TNFAIP3: variants seen among roughly 807,000 people sequenced by gnomAD.
TNFAIP3 encodes the protein tumor necrosis factor alpha-induced protein 3.
In TNFAIP3, 9 loss-of-function variants were observed where a neutral mutation model predicts 72.4. That is an observed-to-expected ratio of 0.12 (90% confidence interval 0.07 to 0.22). The LOEUF is 0.22. Ranked by LOEUF, TNFAIP3 falls within the 10% of genes least tolerant of loss-of-function variation. TNFAIP3 has a pLI of 1.00. For synonymous variants in TNFAIP3, 339 were observed against 372.6 expected (o/e 0.91, Z 1.04); for missense variants, 833 against 1,018.7 (o/e 0.82, Z 2.48).
chr6:137,876,183 A>C lies in TNFAIP3; in HGVS notation c.805+17A>C. 1 of 1,603,260 alleles carries C rather than the reference A, an allele frequency of 6.2e-7. No homozygotes were observed. The highest frequency in any genetic ancestry group is 8.5e-7 in the Non-Finnish European group (1 of 1,174,746). ...GTGGGCCTGGTGAGAAAACTGCATTAATTCACATCTATAACTAGACACTGA... is the reference window on the plus strand; with the variant it reads ...GTGGGCCTGGTGAGAAAACTGCATTCATTCACATCTATAACTAGACACTGA... On this transcript the variant is annotated intron_variant, in intron 5 of 8. Coordinates refer to ENST00000612899, the MANE Select transcript of TNFAIP3 (RefSeq NM_001270508.2).
rs1306585750 is a variant in TNFAIP3, at chr6:137,883,146, T to A, written c.*1827T>A. 1 of 203,874 alleles carries A rather than the reference T, an allele frequency of 4.9e-6. No homozygotes were observed. The highest frequency in any genetic ancestry group is 1.0e-5 in the Non-Finnish European group (1 of 100,202). 12.6% of individuals were successfully genotyped at this position (203,874 alleles called of 1,614,324 possible). On this transcript the variant is annotated 3_prime_UTR_variant, in exon 9 of 9. Coordinates refer to ENST00000612899, the MANE Select transcript of TNFAIP3 (RefSeq NM_001270508.2). ...TTGATCATTATTTCCATTCTTAATG[T>A]GAAAAAAAGTAATTATTTATACTTA...
chr6:137,878,565 G>C lies in TNFAIP3; in HGVS notation c.1120G>C (p.Glu374Gln). 2 of 1,614,220 alleles carry C rather than the reference G, an allele frequency of 1.2e-6. No homozygotes were observed. The highest frequency in any genetic ancestry group is 1.7e-6 in the Non-Finnish European group (2 of 1,180,042). The change falls in exon 7 of 9, where the codon GAA (glutamate) becomes CAA (glutamine). Residue 374 changes from glutamate to glutamine, a missense_variant. Coordinates refer to ENST00000612899, the MANE Select transcript of TNFAIP3 (RefSeq NM_001270508.2). ...RREGHAQNPM[E>Q]PSVPQLSLMD... is the part of the protein sequence containing the mutation. ...AGAGGGGCACGCCCAGAATCCCATG[G>C]AACCTTCCGTGCCCCAGCTTTCTCT...
In TNFAIP3 at chr6:137,881,058, G is replaced by T. The variant is rs752839491; in HGVS notation, c.2112G>T (p.Val704=). The T allele has an allele frequency of 2.5e-6, 4 of 1,611,884 alleles. No homozygotes were observed. Among genetic ancestry groups the T allele is most frequent in the Non-Finnish European group, 8.5e-7 (1 of 1,178,768 alleles). The stretch of plus-strand genomic sequence containing the variant: ...AGAGATCGAGCCAGCGCAGAGATGT[G>T]CCTCGAACCACACAAAGCACCTCAA... ...EQLRSSQRRD[V]PRTTQSTSRP... is the part of the protein sequence containing the mutation. The change falls in exon 9 of 9, where the codon GTG becomes GTT. Residue 704 remains valine, a synonymous_variant. Coordinates refer to ENST00000612899, the MANE Select transcript of TNFAIP3 (RefSeq NM_001270508.2). The surrounding 1 kb of genome is among the most constrained non-coding windows in gnomAD (Gnocchi z 5.0).
intron 2 of TNFAIP3, among the ~76,000 whole-genome samples, chr6:137,874,601 A>G (rs746217520): frequency 1.3e-5 from 2 of 152,224 alleles, no homozygotes; most frequent in Admixed American, 6.5e-5. Flanking sequence ...GCTAGAACCA[A>G]GGTCCCCTGG....
At chr6:137,869,856 T>G (rs913449155) in intron 1 of TNFAIP3, among the ~76,000 whole-genome samples, 1 of 152,224 alleles carries the variant, frequency 6.6e-6, no homozygotes, top group African/African-American at 2.4e-5. Flanking sequence ...GGGAATGTCT[T>G]TGTGCTCTGA....
rs369927129 is a variant in TNFAIP3, at chr6:137,871,223, G to A, written c.-5G>A. 3 of 1,608,036 alleles carry A rather than the reference G, an allele frequency of 1.9e-6. No homozygotes were observed. Among genetic ancestry groups the A allele is most frequent in the East Asian group, 2.2e-5 (1 of 44,798 alleles). On this transcript the variant is annotated 5_prime_UTR_variant, in exon 2 of 9. Transcript: ENST00000612899. This position sits in a 1 kb window ranked among gnomAD's most constrained non-coding sequence, Gnocchi z 4.2. ...TCCTTTCCTTTTCAGGTGTTGGAGA[G>A]CACAATGGCTGAACAAGTCCTTCCT...
chr6:137,879,239 T>C lies in TNFAIP3; in HGVS notation c.1794T>C (p.Pro598=), dbSNP rs774328747. 22 of 1,614,038 alleles carry C rather than the reference T, an allele frequency of 1.4e-5. No homozygotes were observed. Among genetic ancestry groups the C allele is most frequent in the Non-Finnish European group, 1.7e-5 (20 of 1,180,036 alleles). Residue 598 remains proline, a synonymous_variant, in exon 7 of 9, where the codon CCT becomes CCC. Coordinates refer to ENST00000612899, the MANE Select transcript of TNFAIP3 (RefSeq NM_001270508.2). Reference sequence around the variant, plus strand: ...GCCTGTCTCAAGCTGCACGGACTCCTGGGGACAGGACGGGGACGAGCAAGT... The same window carrying C: ...GCCTGTCTCAAGCTGCACGGACTCCCGGGGACAGGACGGGGACGAGCAAGT... ...AGCLSQAART[P]GDRTGTSKCR...
intron 5 of TNFAIP3, 23 bp downstream of exon 5, chr6:137,876,189 C>T (rs1189145508): frequency 1.2e-5 from 19 of 1,592,968 alleles, no homozygotes; most frequent in Non-Finnish European, 1.6e-5. Context: ...CATTAATTCA[C>T]ATCTATAACT....
Position 137,880,159 on chromosome 6 carries a change from T to G in TNFAIP3, c.1995T>G (p.Leu665=). The part of the protein sequence containing the change: ...IPCLGRECGT[L]GSTMFEGYCQ... ...GCCTGGGGAGGGAATGCGGCACCCT[T>G]GGAAGCACCATGTTTGAAGGATACT... Residue 665 remains leucine, a synonymous_variant, in exon 8 of 9, where the codon CTT becomes CTG. Transcript: ENST00000612899. 6.2e-7 allele frequency: 1 copy of G among 1,614,164 alleles called. No homozygotes were observed.
In TNFAIP3 at chr6:137,880,150, C is replaced by T. The variant is rs760291318; in HGVS notation, c.1986C>T (p.Cys662=). ...CCATTCCGTGCCTGGGGAGGGAATGCGGCACCCTTGGAAGCACCATGTTTG... is the reference window on the plus strand; with the variant it reads ...CCATTCCGTGCCTGGGGAGGGAATGTGGCACCCTTGGAAGCACCATGTTTG... ...QNTIPCLGRE[C]GTLGSTMFEG... Residue 662 remains cysteine (C), a synonymous_variant, in exon 8 of 9, where the codon TGC becomes TGT. Transcript: ENST00000612899. 1.1e-5 allele frequency: 18 copies of T among 1,613,976 alleles called. No homozygotes were observed. The highest frequency in any genetic ancestry group is 1.6e-4 in the Middle Eastern group (1 of 6,084).
chr6:137,871,178 A>C lies in TNFAIP3; in HGVS notation c.-15-35A>C. The C allele has an allele frequency of 1.3e-6, 2 of 1,552,600 alleles. No homozygotes were observed. Among genetic ancestry groups the C allele is most frequent in the South Asian group, 2.5e-5 (2 of 79,264 alleles). ...GAGGAGTCGTATTAAAGTCAGGCTA[A>C]TAGAATGGCTTTTTTTTTTTCCTTT... On this transcript the variant is annotated intron_variant, in intron 1 of 8. Coordinates refer to ENST00000612899, the MANE Select transcript of TNFAIP3 (RefSeq NM_001270508.2). The surrounding 1 kb of genome is among the most constrained non-coding windows in gnomAD (Gnocchi z 4.2).
intron 7 of TNFAIP3, among the ~76,000 whole-genome samples, 167 bp downstream of exon 7, chr6:137,879,518 C>T (rs141746035): frequency 6.6e-6 from 1 of 152,352 alleles, no homozygotes; most frequent in Non-Finnish European, 1.5e-5. Context: ...CCCTGCCAGC[C>T]GCCCATGGAG....
At position 137,879,012 on chromosome 6, in the gene TNFAIP3, G is replaced by A. The variant is rs773432623; in HGVS notation, c.1567G>A (p.Ala523Thr). 1 of 1,614,232 alleles carries A rather than the reference G, an allele frequency of 6.2e-7. No individual in the cohort carries two copies. Among genetic ancestry groups the A allele is most frequent in the Non-Finnish European group, 8.5e-7 (1 of 1,180,048 alleles). Residue 523 changes from alanine to threonine, a missense_variant, in exon 7 of 9, where the codon GCC becomes ACC. Physicochemically the swap from Ala to Thr is moderately conservative, Grantham distance 58. Transcript: ENST00000612899. ...GCACTTGGATCCCGGGAAGTGCCAA[G>A]CCTGCCTCCAGGATGTTACCAGGAC... The part of the protein sequence containing the change: ...TRHLDPGKCQ[A>T]CLQDVTRTFN...
chr6:137,880,283 C>T, intron 8 of TNFAIP3, 31 bp downstream of exon 8: 4 of 1,610,678 alleles, frequency 2.5e-6, no homozygotes, highest in Non-Finnish European at 3.4e-6. Context: ...TTCCCTCCCT[C>T]CCGTGTGTTC....
At position 137,881,875 on chromosome 6, in the gene TNFAIP3, C is replaced by T. The variant is rs1412658059; in HGVS notation, c.*556C>T. The T allele has an allele frequency of 4.3e-6, 1 of 232,474 alleles. No individual in the cohort carries two copies. The highest frequency in any genetic ancestry group is 8.5e-6 in the Non-Finnish European group (1 of 117,504). The allele number at this position is 232,474 out of a possible 1,614,324, so 14.4% of individuals were successfully genotyped here. A position where few individuals can be genotyped will look rare whatever the true frequency, so the allele number is the denominator to read the frequency against. On this transcript the variant is annotated 3_prime_UTR_variant, in exon 9 of 9. Coordinates refer to ENST00000612899, the MANE Select transcript of TNFAIP3 (RefSeq NM_001270508.2). This position sits in a 1 kb window ranked among gnomAD's most constrained non-coding sequence, Gnocchi z 5.0. The stretch of plus-strand genomic sequence containing the variant: ...TAGTTCATGGTTTTTCCCTACCTGC[C>T]CGGTTCCTTTCCTGAGGACCCGGCA...
intron 4 of TNFAIP3, 36 bp downstream of exon 4, chr6:137,875,871 T>C (rs1776228824): frequency 6.2e-7 from 1 of 1,613,310 alleles, no homozygotes; most frequent in Non-Finnish European, 8.5e-7. Flanking sequence ...TGTACTTAAA[T>C]GCTTTCAGCC....
At position 137,880,944 on chromosome 6, in the gene TNFAIP3, A is replaced by C. The variant is rs1232575615; in HGVS notation, c.2089-91A>C. 78 of 1,415,886 alleles carry C rather than the reference A, an allele frequency of 5.5e-5. No individual in the cohort carries two copies. In the East Asian group the frequency reaches 1.8e-3, roughly 32 times the overall value. 87.7% of individuals were successfully genotyped at this position (1,415,886 alleles called of 1,614,324 possible). ...AGGTAAAGCTCTTTGTAGACTCCAC[A>C]CTCTCCAATGAGATTTCATTGTGCT... On this transcript the variant is annotated intron_variant, in intron 8 of 8. Transcript: ENST00000612899.
chr6:137,878,695 A>G lies in TNFAIP3; in HGVS notation c.1250A>G (p.Lys417Arg). 6.2e-7 allele frequency: 1 copy of G among 1,614,094 alleles called. No individual in the cohort carries two copies. The highest frequency in any genetic ancestry group is 1.1e-5 in the South Asian group (1 of 91,074). The change falls in exon 7 of 9, where the codon AAA (lysine) becomes AGA (arginine). Residue 417 changes from lysine (K) to arginine (R), a missense_variant. This residue lies in a region of TNFAIP3 where 587 missense variants were observed against 657.8 expected (regional missense o/e 0.89). Transcript: ENST00000612899. ...CSERRQKNQN[K>R]LPKLNSKPGP... ...GAGAGGCGGCAAAAGAATCAAAACA[A>G]ACTCCCAAAGCTGAACTCCAAGCCG...
chr6:137,870,250 G>A (rs1346604085), intron 1 of TNFAIP3, among the ~76,000 whole-genome samples: 1 of 152,178 alleles, frequency 6.6e-6, no homozygotes, highest in East Asian at 1.9e-4. Context: ...GTTCTTAGAA[G>A]TATAGAATTT....
Sources: allele counts gnomAD v4.1 joint callset (sites outside exome capture counted in the v4.1 genomes callset), GRCh38; gene constraint gnomAD v4.1.1; regional missense constraint gnomAD v4.1.1; non-coding constraint Gnocchi (gnomAD v3.1); transcripts MANE v1.5; gene names NCBI Gene and HGNC (gene_info 2026-07-23, HGNC 2026-07-21).